Variants in HPSE2 observed in about 807,000 individuals in gnomAD.
The protein encoded by HPSE2 is heparanase 2 (inactive).
A neutral mutation model predicts 60.5 loss-of-function variants in HPSE2; 38 were observed. The ratio of observed to expected loss-of-function variants is 0.63; its 90% CI spans 0.48 to 0.82. The LOEUF (loss-of-function observed/expected upper bound fraction) is 0.82. HPSE2 is among the 40% of genes least tolerant of loss of function. The pLI is 0.00. For missense variants in HPSE2, 713 were observed against 740.4 expected, an observed-to-expected ratio of 0.96 and a Z score of 0.43; for synonymous variants, 295 against 293.2, an observed-to-expected ratio of 1.01 and a Z score of -0.06.
intron 3 of HPSE2, among the ~76,000 whole-genome samples, chr10:98,916,231 G>A (rs1954116251): frequency 6.6e-6 from 1 of 152,128 alleles, no homozygotes; most frequent in Admixed American, 6.5e-5. Context: ...TACTTGCTAT[G>A]TTTAACAACT....
chr10:98,844,255 T>C (rs1316487374), intron 3 of HPSE2, among the ~76,000 whole-genome samples: 1 of 152,192 alleles, frequency 6.6e-6, no homozygotes, highest in East Asian at 1.9e-4. Flanking sequence ...GGATGTGCTT[T>C]GTCGGAAGGC....
the HPSE2 span, among the ~76,000 whole-genome samples, chr10:99,242,489 AT>A: frequency 8.5e-5 from 13 of 152,288 alleles, no homozygotes; most frequent in East Asian, 2.3e-3. Flanking sequence ...ACCCCTTAGC[AT>A]GTTTGGAGGT....
chr10:98,523,846 G>T (rs1942875563), intron 9 of HPSE2, among the ~76,000 whole-genome samples: 1 of 152,194 alleles, frequency 6.6e-6, no homozygotes. Context: ...CAACTCTAAT[G>T]TAAATATTGG....
upstream of HPSE2, among the ~76,000 whole-genome samples, chr10:99,238,190 C>A (rs1849902565): frequency 1.3e-5 from 2 of 152,150 alleles, no homozygotes; most frequent in African/African-American, 4.8e-5. Context: ...CCTTGGCTTA[C>A]AAGTGAATGC....
At chr10:99,152,019 A>T (rs894831191) in intron 2 of HPSE2, among the ~76,000 whole-genome samples, 4 of 144,652 alleles carry the variant, frequency 2.8e-5, no homozygotes, top group Non-Finnish European at 4.5e-5. Context: ...TTCCATATTT[A>T]AAAAAAAAAA....
intron 11 of HPSE2, among the ~76,000 whole-genome samples, chr10:98,473,918 C>T (rs188303688): frequency 3.3e-5 from 5 of 152,280 alleles, no homozygotes; most frequent in African/African-American, 4.8e-5. Context: ...GAAGAAACCT[C>T]TTGACCCGTA....
At chr10:98,664,436 C>T (rs982747822) in intron 6 of HPSE2, among the ~76,000 whole-genome samples, 1 of 152,118 alleles carries the variant, frequency 6.6e-6, no homozygotes, top group Admixed American at 6.5e-5. Context: ...AGGGAATCTG[C>T]TTGAGGCAGC....
chr10:98,743,117 C>T (rs945374300), intron 4 of HPSE2, among the ~76,000 whole-genome samples: 4 of 151,582 alleles, frequency 2.6e-5, no homozygotes, highest in South Asian at 2.1e-4. Flanking sequence ...GGATTATAGG[C>T]GGCTGCCACC....
intron 9 of HPSE2, among the ~76,000 whole-genome samples, chr10:98,610,524 T>C (rs1021080321): frequency 6.6e-6 from 1 of 152,130 alleles, no homozygotes; most frequent in African/African-American, 2.4e-5. Flanking sequence ...TCCAGAACAA[T>C]GTGCACAGCA....
chr10:98,701,628 C>G (rs897280701), intron 5 of HPSE2, among the ~76,000 whole-genome samples: 3 of 133,568 alleles, frequency 2.2e-5, no homozygotes, highest in Non-Finnish European at 4.8e-5. Flanking sequence ...TACCCTAAAA[C>G]TTAAAGTATA....
chr10:99,057,875 C>T (rs1309954007), intron 3 of HPSE2, among the ~76,000 whole-genome samples: 1 of 151,998 alleles, frequency 6.6e-6, no homozygotes, highest in Non-Finnish European at 1.5e-5. Context: ...CACAAACAGT[C>T]ACATTGTCTT....
intron 4 of HPSE2, among the ~76,000 whole-genome samples, chr10:98,733,012 G>A (rs1448472481): frequency 2.0e-5 from 3 of 152,144 alleles, no homozygotes; most frequent in Non-Finnish European, 4.4e-5. Context: ...ATGAAAAGGT[G>A]CCCAACAACA....
At chr10:98,601,433 AC>A (rs1945422760) in intron 9 of HPSE2, among the ~76,000 whole-genome samples, 1 of 152,154 alleles carries the variant, frequency 6.6e-6, no homozygotes, top group Admixed American at 6.5e-5. Flanking sequence ...GGAGTGGCAT[AC>A]TCAGTGTAAA....
At chr10:98,854,200 C>T (rs771031480) in intron 3 of HPSE2, among the ~76,000 whole-genome samples, 4 of 152,078 alleles carry the variant, frequency 2.6e-5, no homozygotes, top group South Asian at 2.1e-4. Context: ...ATGTTTCACA[C>T]GCACTTTGCA....
chr10:98,904,288 C>G (rs1350909922), intron 3 of HPSE2, among the ~76,000 whole-genome samples: 2 of 151,812 alleles, frequency 1.3e-5, no homozygotes, highest in Admixed American at 6.6e-5. Flanking sequence ...AAAAAGGAAA[C>G]AGCTTGAAAT....
intron 2 of HPSE2, among the ~76,000 whole-genome samples, chr10:99,159,132 C>T (rs1266095587): frequency 1.3e-5 from 2 of 150,586 alleles, no homozygotes; most frequent in African/African-American, 2.4e-5. Context: ...ATTTTAAACA[C>T]GAAGCAAGCA....
At chr10:98,500,460 A>C (rs1941993369) in intron 9 of HPSE2, among the ~76,000 whole-genome samples, 1 of 152,230 alleles carries the variant, frequency 6.6e-6, no homozygotes, top group Non-Finnish European at 1.5e-5. Flanking sequence ...AGAAATTAAA[A>C]AATTATTCAA....
chr10:99,092,299 C>T (rs561435533), intron 3 of HPSE2, among the ~76,000 whole-genome samples: 14 of 152,104 alleles, frequency 9.2e-5, no homozygotes, highest in Admixed American at 4.6e-4. Flanking sequence ...AAACATAATG[C>T]GTACTAAATA....
At chr10:99,215,472 G>A (rs1203483125) in intron 2 of HPSE2, among the ~76,000 whole-genome samples, 9 of 152,166 alleles carry the variant, frequency 5.9e-5, no homozygotes, top group Admixed American at 5.2e-4. Flanking sequence ...CGGGGTAGGG[G>A]GGCGAAAGGA....
Sources: allele counts gnomAD v4.1 joint callset (sites outside exome capture counted in the v4.1 genomes callset), GRCh38; gene constraint gnomAD v4.1.1; transcripts MANE v1.5; gene names NCBI Gene and HGNC (gene_info 2026-07-23, HGNC 2026-07-21).